The following P2RX3 variants were observed in gnomAD, a reference collection of about 807,000 sequenced individuals.
The protein encoded by P2RX3 is purinergic receptor P2X 3, also known as P2X purinoceptor 3.
In P2RX3, 41 loss-of-function variants were observed where a neutral mutation model predicts 51.5. The observed-to-expected ratio is 0.80, with a 90% CI of 0.62 to 1.03. The LOEUF (loss-of-function observed/expected upper bound fraction) is 1.03, where lower values mean the gene tolerates loss of function less well. Among genes scored for constraint, P2RX3 ranks in the 50% least tolerant of loss-of-function variants. P2RX3 has a pLI of 0.00. For missense variants in P2RX3, 459 were observed against 522.1 expected, an observed-to-expected ratio of 0.88 and a Z score of 1.18; for synonymous variants, 185 against 191.6, an observed-to-expected ratio of 0.97 and a Z score of 0.29.
Position 57,347,123 on chromosome 11 carries a change from C to A in P2RX3, c.263C>A (p.Ser88Ter). Residue 88 changes from serine (S) to a stop codon, truncating the protein, a stop_gained, in exon 3 of 12, where the codon TCG becomes TAG. Transcript: ENST00000263314. LOFTEE classifies it high-confidence loss of function. ...SDYVTPPQGT[S>*]VFVIITKMIV... Reference sequence around the variant, plus strand: ...CCTTCTTCTCCTCCCAAGGGCACCTCGGTCTTTGTCATCATCACCAAGATG... The same window carrying A: ...CCTTCTTCTCCTCCCAAGGGCACCTAGGTCTTTGTCATCATCACCAAGATG... The A allele has an allele frequency of 6.2e-7, 1 of 1,613,660 alleles. No individual in the cohort carries two copies. Among genetic ancestry groups the A allele is most frequent in the Non-Finnish European group, 8.5e-7 (1 of 1,179,814 alleles).
intron 8 of P2RX3, among the ~76,000 whole-genome samples, chr11:57,358,979 G>T (rs1856673913): frequency 6.6e-6 from 1 of 152,146 alleles, no homozygotes; most frequent in Non-Finnish European, 1.5e-5. Context: ...GTCCTGTCTG[G>T]TCACAGCTAG....
intron 8 of P2RX3, among the ~76,000 whole-genome samples, chr11:57,365,590 C>A (rs1228897885): frequency 6.6e-6 from 1 of 152,224 alleles, no homozygotes; most frequent in Non-Finnish European, 1.5e-5. Flanking sequence ...ACACAAGAAT[C>A]TCAATGGTGT....
At chr11:57,344,843 A>G (rs934739902) in intron 1 of P2RX3, among the ~76,000 whole-genome samples, 2 of 152,230 alleles carry the variant, frequency 1.3e-5, no homozygotes, top group African/African-American at 4.8e-5. Context: ...ACTTGCAAAT[A>G]TCCGCTGGGG....
Position 57,347,558 on chromosome 11 carries a change from G to A in P2RX3, c.391+80G>A. 3 of 1,427,038 alleles carry A rather than the reference G, an allele frequency of 2.1e-6. No homozygotes were observed. The South Asian group carries it at 3.7e-5, about 18-fold the overall frequency. The allele number at this position is 1,427,038 out of a possible 1,614,324, so 88.4% of individuals were successfully genotyped here. A position where few individuals can be genotyped will look rare whatever the true frequency, so the allele number is the denominator to read the frequency against. The stretch of plus-strand genomic sequence containing the variant: ...GGGAGAGCCCGTCGTTGGAGAGGGA[G>A]TGGGAACCAGCCTGTTCCATGTCAT... On this transcript the variant is annotated intron_variant, in intron 4 of 11. Transcript: ENST00000263314.
chr11:57,349,298 CAAAA>C (rs34340558), intron 6 of P2RX3, among the ~76,000 whole-genome samples: 3 of 122,664 alleles, frequency 2.4e-5, no homozygotes, highest in African/African-American at 5.8e-5. Context: ...CTGTCTGTAC[CAAAA>C]AAAAAAAAAA....
chr11:57,337,289 CAAA>C (rs36169095), upstream of P2RX3, among the ~76,000 whole-genome samples: 2 of 26,768 alleles, frequency 7.5e-5, no homozygotes, highest in East Asian at 1.1e-3. Context: ...GAGACTCTGT[CAAA>C]AAAAAAAAAA....
intron 8 of P2RX3, among the ~76,000 whole-genome samples, chr11:57,360,703 G>C (rs1856702183): frequency 6.6e-6 from 1 of 151,260 alleles, no homozygotes; most frequent in Non-Finnish European, 1.5e-5. Flanking sequence ...GCTGAGGCAG[G>C]AGATGCACTT....
In P2RX3 at chr11:57,368,184, G is replaced by T; in HGVS notation, c.936+82G>T. ...TCGGGTTCTGAAAAAGCTCCTCTGG[G>T]GGGCAGGGGTCTGCTGCTGGCCAGC... is the stretch of plus-strand genomic sequence containing the variant. On this transcript the variant is annotated intron_variant, in intron 9 of 11. Coordinates refer to ENST00000263314, the MANE Select transcript of P2RX3 (RefSeq NM_002559.5). 7.6e-6 allele frequency: 11 copies of T among 1,451,690 alleles called. No individual in the cohort carries two copies. In the South Asian group the frequency reaches 1.3e-4, roughly 17 times the overall value. The allele number at this position is 1,451,690 out of a possible 1,614,324, so 89.9% of individuals were successfully genotyped here.
chr11:57,350,599 C>T (rs752925952), intron 7 of P2RX3, 163 bp from the exon 8 acceptor site: 5 of 922,296 alleles, frequency 5.4e-6, no homozygotes, highest in Non-Finnish European at 8.1e-6. Context: ...CACTTCTTTA[C>T]TGAGCAGTAT....
chr11:57,350,955 T>C, intron 8 of P2RX3, 57 bp downstream of exon 8: 1 of 1,611,392 alleles, frequency 6.2e-7, no homozygotes, highest in Non-Finnish European at 8.5e-7. Flanking sequence ...TTAACGGCAA[T>C]GTTTATTGGG....
chr11:57,336,963 C>T (rs1238186298), upstream of P2RX3, among the ~76,000 whole-genome samples: 2 of 152,110 alleles, frequency 1.3e-5, no homozygotes, highest in South Asian at 2.1e-4. Context: ...ACTACTTTAG[C>T]ACACTTCTCA....
At chr11:57,353,158 G>GAA in intron 8 of P2RX3, among the ~76,000 whole-genome samples, 1 of 152,352 alleles carries the variant, frequency 6.6e-6, no homozygotes, top group African/African-American at 2.4e-5. Flanking sequence ...GAATAAGAGA[G>GAA]AAAGGGTCAC....
At chr11:57,367,010 A>ATAG (rs1198656314) in intron 8 of P2RX3, among the ~76,000 whole-genome samples, 9 of 152,228 alleles carry the variant, frequency 5.9e-5, no homozygotes, top group Non-Finnish European at 4.4e-5. Context: ...CATTCAAACC[A>ATAG]TAGCACTATC....
chr11:57,360,449 G>A (rs1856696690), intron 8 of P2RX3, among the ~76,000 whole-genome samples: 1 of 152,128 alleles, frequency 6.6e-6, no homozygotes, highest in African/African-American at 2.4e-5. Context: ...CTTCTAGCAA[G>A]CATTTACTCA....
rs764297230 is a variant in P2RX3 at position 57,369,392 on chromosome 11, A to G, written c.1034A>G (p.Asn345Ser). The stretch of plus-strand genomic sequence containing the variant: ...GTTCTCTGTGACATCATCCTGCTCA[A>G]CTTCCTCAAGGGGGCCGACCAGTAC... The part of the protein sequence containing the change: ...GTVLCDIILL[N>S]FLKGADQYKA... The change falls in exon 11 of 12, where the codon AAC becomes AGC. Residue 345 changes from asparagine to serine, a missense_variant. Coordinates refer to ENST00000263314, the MANE Select transcript of P2RX3 (RefSeq NM_002559.5). The G allele has an allele frequency of 8.7e-6, 14 of 1,610,576 alleles. No homozygotes were observed. Among genetic ancestry groups the G allele is most frequent in the South Asian group, 1.1e-5 (1 of 90,334 alleles).
chr11:57,357,512 G>C (rs899194033), intron 8 of P2RX3, among the ~76,000 whole-genome samples: 1 of 152,172 alleles, frequency 6.6e-6, no homozygotes, highest in African/African-American at 2.4e-5. Flanking sequence ...TTCTACAGAT[G>C]AGGAAACTGA....
intron 4 of P2RX3, 149 bp downstream of exon 4, chr11:57,347,627 G>A: frequency 4.6e-6 from 4 of 879,000 alleles, no homozygotes; most frequent in Non-Finnish European, 5.4e-6. Context: ...ACACCCAGTG[G>A]GTGCTACAAA....
At chr11:57,346,057 C>T (rs1482588581) in intron 1 of P2RX3, among the ~76,000 whole-genome samples, 1 of 152,094 alleles carries the variant, frequency 6.6e-6, no homozygotes, top group East Asian at 1.9e-4. Flanking sequence ...AGGGTACAGC[C>T]GTGGGCCAAG....
At chr11:57,353,108 C>T (rs377056766) in intron 8 of P2RX3, among the ~76,000 whole-genome samples, 6 of 152,290 alleles carry the variant, frequency 3.9e-5, no homozygotes, top group African/African-American at 1.4e-4. Context: ...AGCTAAGAGC[C>T]CACGTGTGGG....
Sources: allele counts gnomAD v4.1 joint callset (sites outside exome capture counted in the v4.1 genomes callset), GRCh38; gene constraint gnomAD v4.1.1; transcripts MANE v1.5; gene names NCBI Gene and HGNC (gene_info 2026-07-23, HGNC 2026-07-21).